The following WFDC9 variants were observed in gnomAD, a reference collection of about 807,000 sequenced individuals.
The protein encoded by WFDC9 is protein WFDC9.
In WFDC9, 9 loss-of-function variants were observed where a neutral mutation model predicts 9.5. That is an observed-to-expected ratio of 0.95 (90% CI 0.57 to 1.65). WFDC9 has a LOEUF of 1.65. Ranked by LOEUF, WFDC9 falls within the 40% of genes most tolerant of loss-of-function variation. WFDC9 has a pLI of 0.00. For synonymous variants in WFDC9, 33 were observed against 32.3 expected, an observed-to-expected ratio of 1.02 and a Z score of -0.07; for missense variants, 87 against 106.7, an observed-to-expected ratio of 0.82 and a Z score of 0.81.
chr20:45,608,063 A>G lies in WFDC9; in HGVS notation c.*47T>C. 6.2e-7 allele frequency: 1 copy of G among 1,610,888 alleles called. No individual in the cohort carries two copies. Among genetic ancestry groups the G allele is most frequent in the Non-Finnish European group, 8.5e-7 (1 of 1,177,660 alleles). ...AGGAAGTAGGCAGCACTCTTCTTAG[A>G]CCAGATGGTCATCCTTCAGCCCACA... On this transcript the variant is annotated 3_prime_UTR_variant, in exon 5 of 5. Transcript: ENST00000326000.
intron 1 of WFDC9, among the ~76,000 whole-genome samples, chr20:45,616,932 C>T (rs1981986876): frequency 6.6e-6 from 1 of 152,210 alleles, no homozygotes; most frequent in Non-Finnish European, 1.5e-5. Context: ...CTCATTATTA[C>T]TTTAAGTCAC....
chr20:45,608,177 G>C, intron 4 of WFDC9, 37 bp from the exon 5 acceptor site: 4 of 1,595,648 alleles, frequency 2.5e-6, no homozygotes, highest in Non-Finnish European at 3.4e-6. Flanking sequence ...CAAGAATCCT[G>C]GGATAAATCC....
chr20:45,628,428 A>C (rs1034771219), intron 1 of WFDC9, among the ~76,000 whole-genome samples: 2 of 152,178 alleles, frequency 1.3e-5, no homozygotes, highest in Non-Finnish European at 2.9e-5. Flanking sequence ...AAATATTTAC[A>C]TTGTGGCACT....
chr20:45,624,497 C>T (rs908144492), intron 1 of WFDC9, among the ~76,000 whole-genome samples: 1 of 152,086 alleles, frequency 6.6e-6, no homozygotes, highest in African/African-American at 2.4e-5. Flanking sequence ...GTCTGTATCT[C>T]GGCTATTGTG....
chr20:45,619,246 G>C (rs1243510714), intron 1 of WFDC9, among the ~76,000 whole-genome samples: 1 of 152,174 alleles, frequency 6.6e-6, no homozygotes, highest in Non-Finnish European at 1.5e-5. Flanking sequence ...AGCTGCTGGA[G>C]AGCTGAGGAG....
chr20:45,616,250 C>T (rs1403395033), intron 1 of WFDC9, among the ~76,000 whole-genome samples: 1 of 152,186 alleles, frequency 6.6e-6, no homozygotes, highest in Non-Finnish European at 1.5e-5. Context: ...ACAATGTTCA[C>T]AGCATCTTCA....
chr20:45,608,622 A>C (rs746517219), intron 4 of WFDC9, 41 bp downstream of exon 4: 3 of 1,587,892 alleles, frequency 1.9e-6, no homozygotes, highest in Non-Finnish European at 2.6e-6. Context: ...CCAGTGATGA[A>C]GCATGCCCAG....
At chr20:45,624,165 C>T (rs1982165692) in intron 1 of WFDC9, among the ~76,000 whole-genome samples, 1 of 152,178 alleles carries the variant, frequency 6.6e-6, no homozygotes, top group African/African-American at 2.4e-5. Flanking sequence ...GCACTCCAGC[C>T]TAGGCGACAG....
At chr20:45,614,947 C>A (rs775956226) in intron 1 of WFDC9, among the ~76,000 whole-genome samples, 1 of 152,116 alleles carries the variant, frequency 6.6e-6, no homozygotes, top group Non-Finnish European at 1.5e-5. Context: ...GCTCAGGCCA[C>A]CCCCAGCAGA....
At chr20:45,625,637 T>G (rs958566582) in intron 1 of WFDC9, among the ~76,000 whole-genome samples, 31 of 151,992 alleles carry the variant, frequency 2.0e-4, no homozygotes, top group African/African-American at 7.2e-4. Context: ...TAGCTGATTT[T>G]TGTATAGGGT....
At chr20:45,612,418 C>T (rs949636294) in intron 2 of WFDC9, among the ~76,000 whole-genome samples, 1 of 151,848 alleles carries the variant, frequency 6.6e-6, no homozygotes, top group African/African-American at 2.4e-5. Context: ...AGACAAAAAT[C>T]CTCCCATTTA....
intron 1 of WFDC9, among the ~76,000 whole-genome samples, chr20:45,622,571 A>G (rs1982124857): frequency 1.3e-5 from 2 of 152,224 alleles, no homozygotes; most frequent in Non-Finnish European, 1.5e-5. Flanking sequence ...AACTGAAAGT[A>G]CAGTAAAAAT....
intron 1 of WFDC9, among the ~76,000 whole-genome samples, chr20:45,617,715 C>T (rs755224235): frequency 2.0e-5 from 3 of 152,160 alleles, no homozygotes; most frequent in Non-Finnish European, 4.4e-5. Flanking sequence ...TCTCAAACTA[C>T]TGGCTCAAAC....
chr20:45,629,853 G>GTGC (rs1231964205), intron 1 of WFDC9: 4 of 1,614,082 alleles, frequency 2.5e-6, no homozygotes, highest in Non-Finnish European at 3.4e-6. Context: ...GGTTCTCTGT[G>GTGC]TGCTGCTGCT....
At chr20:45,619,073 A>G (rs1301367866) in intron 1 of WFDC9, among the ~76,000 whole-genome samples, 2 of 152,330 alleles carry the variant, frequency 1.3e-5, no homozygotes, top group East Asian at 3.9e-4. Flanking sequence ...CTTTGGAACC[A>G]AGGTAAAAAG....
chr20:45,620,017 C>T (rs1600920968), intron 1 of WFDC9, among the ~76,000 whole-genome samples: 1 of 152,022 alleles, frequency 6.6e-6, no homozygotes, highest in East Asian at 1.9e-4. Flanking sequence ...CAGAGCGAGA[C>T]TCTGTCTCAA....
chr20:45,629,702 G>A, intron 1 of WFDC9: 2 of 1,358,136 alleles, frequency 1.5e-6, no homozygotes, highest in South Asian at 1.4e-5. Context: ...AGTAGAGGCA[G>A]TGAGGAGCTA....
intron 1 of WFDC9, among the ~76,000 whole-genome samples, chr20:45,622,072 T>C (rs1982114506): frequency 1.3e-5 from 2 of 148,920 alleles, no homozygotes; most frequent in Middle Eastern, 3.4e-3. Context: ...AAAGGGTCTT[T>C]GTGTGGTAAG....
chr20:45,627,968 T>C (rs1210712998), intron 1 of WFDC9, among the ~76,000 whole-genome samples: 1 of 152,328 alleles, frequency 6.6e-6, no homozygotes, highest in African/African-American at 2.4e-5. Flanking sequence ...GACTTCTGTA[T>C]ATTTTAATTA....
Sources: allele counts gnomAD v4.1 joint callset (sites outside exome capture counted in the v4.1 genomes callset), GRCh38; gene constraint gnomAD v4.1.1; transcripts MANE v1.5; gene names NCBI Gene and HGNC (gene_info 2026-07-23, HGNC 2026-07-21).